The following PAK3 variants were observed in gnomAD, a reference collection of about 807,000 sequenced individuals.
The protein encoded by PAK3 is serine/threonine-protein kinase PAK 3.
In PAK3, 4 loss-of-function variants were observed where a neutral mutation model predicts 41.0. The observed-to-expected ratio is 0.10, with a 90% CI of 0.05 to 0.22. The LOEUF (loss-of-function observed/expected upper bound fraction) is 0.22. Among genes scored for constraint, PAK3 ranks in the 10% least tolerant of loss-of-function variants. The pLI is 1.00. For synonymous variants in PAK3, 146 were observed against 139.6 expected (o/e 1.05, Z -0.32); for missense variants, 205 against 409.9 (o/e 0.50, Z 4.32).
chrX:111,048,559 G>GGCTTCC (rs1438068360), intron 1 of PAK3, among the ~76,000 whole-genome samples: 3 of 110,342 alleles, frequency 2.7e-5, no homozygotes, highest in Admixed American at 9.6e-5. Flanking sequence ...TTCTACTGCA[G>GGCTTCC]GCTTCCCCTT....
upstream of PAK3, among the ~76,000 whole-genome samples, chrX:111,095,148 T>G (rs371592665): frequency 8.3e-4 from 93 of 111,965 alleles, no homozygotes; most frequent in African/African-American, 3.0e-3. Flanking sequence ...GGAAGGGTCA[T>G]GATCTATTTT....
chrX:111,003,188 C>A (rs2091875170), intron 1 of PAK3, among the ~76,000 whole-genome samples: 1 of 111,926 alleles, frequency 8.9e-6, no homozygotes, highest in African/African-American at 3.3e-5. Context: ...AGCCCTCGAG[C>A]CACACCTGCA....
At chrX:111,005,934 C>G (rs762073194) in intron 1 of PAK3, among the ~76,000 whole-genome samples, 2 of 111,503 alleles carry the variant, frequency 1.8e-5, no homozygotes, top group Non-Finnish European at 3.8e-5. Flanking sequence ...TATGTCAGAA[C>G]TCAGACTAAA....
chrX:110,979,770 T>C (rs936335194), intron 1 of PAK3, among the ~76,000 whole-genome samples: 4 of 112,532 alleles, frequency 3.6e-5, no homozygotes, highest in Middle Eastern at 4.6e-3. Context: ...TAAATTTCCC[T>C]CTCAGCACTG....
chrX:111,071,836 A>AT (rs1480278627), intron 1 of PAK3, among the ~76,000 whole-genome samples: 7 of 111,869 alleles, frequency 6.3e-5, no homozygotes, highest in Non-Finnish European at 1.3e-4. Flanking sequence ...CTTTCTCTGA[A>AT]TTTTCCCATT....
In PAK3 at chrX:111,140,300, A is replaced by G. The variant is rs145203505; in HGVS notation, c.176-1796A>G. Among the ~76,000 whole-genome samples the G allele has an allele frequency of 1.0e-2, 1,116 of 111,830 alleles. 12 individuals carry two copies. The highest frequency in any genetic ancestry group is 0.034 in the African/African-American group (1,039 of 30,761). ...AAAGCAATGACAATCAAAGAAAGAAAGGTCACTGAGAAAGGAGGAATGCCA... is the reference window on the plus strand; with the variant it reads ...AAAGCAATGACAATCAAAGAAAGAAGGGTCACTGAGAAAGGAGGAATGCCA... On this transcript the variant is annotated intron_variant, in intron 5 of 17. Transcript: ENST00000372007.
At chrX:111,119,655 T>C (rs764534535) in intron 4 of PAK3, among the ~76,000 whole-genome samples, 1 of 112,317 alleles carries the variant, frequency 8.9e-6, no homozygotes, top group South Asian at 3.7e-4. Context: ...ATAGTATCCT[T>C]TATAGAAAGC....
intron 1 of PAK3, among the ~76,000 whole-genome samples, chrX:111,035,996 A>G (rs575286037): frequency 3.6e-5 from 4 of 112,543 alleles, no homozygotes; most frequent in Admixed American, 2.8e-4. Flanking sequence ...GAAGAGACTG[A>G]TGCCAAAGCC....
At chrX:111,073,874 A>G (rs1166156103) in intron 1 of PAK3, among the ~76,000 whole-genome samples, 1 of 112,165 alleles carries the variant, frequency 8.9e-6, no homozygotes, top group Non-Finnish European at 1.9e-5. Flanking sequence ...TTACCTTGAT[A>G]CCAAAAACTG....
intron 14 of PAK3, among the ~76,000 whole-genome samples, chrX:111,195,426 G>A (rs1375042771): frequency 4.5e-5 from 5 of 112,010 alleles, no homozygotes; most frequent in Non-Finnish European, 7.5e-5. Context: ...ATAGTTTGGG[G>A]CACTTGTTTT....
intron 1 of PAK3, among the ~76,000 whole-genome samples, chrX:111,001,126 G>T (rs751791744): frequency 3.6e-5 from 4 of 112,221 alleles, no homozygotes; most frequent in African/African-American, 1.3e-4. Flanking sequence ...GCCTAGTGTG[G>T]CTAAAGCCCA....
chrX:111,123,165 A>G lies in PAK3; in HGVS notation c.62A>G (p.Asn21Ser). Reference sequence around the variant, plus strand: ...GCTCCTCCACTGAGGATGAATAGTAACAACCGGGATTCTTCAGCACTCAAC... The same window carrying G: ...GCTCCTCCACTGAGGATGAATAGTAGCAACCGGGATTCTTCAGCACTCAAC... ...PPAPPLRMNS[N>S]NRDSSALNHS... is the part of the protein sequence containing the mutation. Residue 21 changes from asparagine (N) to serine (S), a missense_variant, in exon 5 of 18, where the codon AAC becomes AGC. Transcript: ENST00000372007. The G allele has an allele frequency of 8.3e-7, 1 of 1,203,899 alleles. No homozygotes were observed. Among genetic ancestry groups the G allele is most frequent in the Non-Finnish European group, 1.1e-6 (1 of 888,170 alleles).
At chrX:111,207,155 C>T (rs2094761256) in intron 16 of PAK3, among the ~76,000 whole-genome samples, 1 of 103,802 alleles carries the variant, frequency 9.6e-6, no homozygotes, top group African/African-American at 3.6e-5. Flanking sequence ...TATACATATA[C>T]ATATTTACAT....
chrX:111,028,550 A>G (rs2092303612), intron 1 of PAK3, among the ~76,000 whole-genome samples: 1 of 111,655 alleles, frequency 9.0e-6, no homozygotes, highest in South Asian at 3.7e-4. Context: ...AAAAATAATA[A>G]TTTAACAAAA....
intron 7 of PAK3, among the ~76,000 whole-genome samples, chrX:111,151,516 T>C (rs1156709089): frequency 2.7e-5 from 3 of 111,377 alleles, no homozygotes; most frequent in East Asian, 5.6e-4. Context: ...AAAGAAGGAA[T>C]GGAAAGGAGG....
chrX:111,001,761 C>A (rs774464837), intron 1 of PAK3, among the ~76,000 whole-genome samples: 6 of 111,270 alleles, frequency 5.4e-5, no homozygotes, highest in African/African-American at 1.6e-4. Context: ...CAGGTACCAG[C>A]GGGGTTTCCT....
chrX:111,098,157 T>C (rs2093043533), intron 3 of PAK3, among the ~76,000 whole-genome samples: 1 of 110,891 alleles, frequency 9.0e-6, no homozygotes, highest in Non-Finnish European at 1.9e-5. Context: ...AAATGGTATA[T>C]AGGGCAAACA....
intron 7 of PAK3, 86 bp from the exon 8 acceptor site, chrX:111,152,324 T>C: frequency 1.6e-6 from 1 of 643,592 alleles, no homozygotes; most frequent in Non-Finnish European, 2.6e-6. Flanking sequence ...AATCATGCAG[T>C]TTTTTAATTT....
At chrX:110,994,948 A>G (rs1040481911) in intron 1 of PAK3, among the ~76,000 whole-genome samples, 5 of 112,257 alleles carry the variant, frequency 4.5e-5, no homozygotes, top group Non-Finnish European at 9.4e-5. Context: ...AAATGAGAAC[A>G]TATGTAAAGC....
Sources: gnomAD v4.1 joint callset for allele counts (sites outside exome capture counted in the v4.1 genomes callset) on GRCh38, gnomAD v4.1.1 for gene constraint, MANE v1.5 for transcripts, NCBI Gene and HGNC (gene_info 2026-07-23, HGNC 2026-07-21) for gene names.